TTLL7: variants seen among roughly 807,000 people sequenced by gnomAD.
The protein encoded by TTLL7 is tubulin polyglutamylase TTLL7.
In TTLL7, 53 loss-of-function variants were observed where a neutral mutation model predicts 120.2. The ratio of observed to expected loss-of-function variants is 0.44; its 90% CI spans 0.35 to 0.55. The LOEUF is 0.55. Among genes scored for constraint, TTLL7 ranks in the 20% least tolerant of loss-of-function variants. The probability of loss-of-function intolerance (pLI) is 0.00; values close to 1 mark genes in which losing one functional copy is unlikely to be tolerated. For missense variants in TTLL7, 803 were observed against 1,054.7 expected, an observed-to-expected ratio of 0.76 and a Z score of 3.31; for synonymous variants, 353 against 351.7, an observed-to-expected ratio of 1.00 and a Z score of -0.04.
chr1:83,992,375 C>A (rs1209247081), intron 1 of TTLL7, among the ~76,000 whole-genome samples: 2 of 151,622 alleles, frequency 1.3e-5, no homozygotes, highest in African/African-American at 4.9e-5. Flanking sequence ...TGGAAATAGG[C>A]ATCACAGATT....
chr1:83,963,970 G>A (rs1650233531), intron 1 of TTLL7, among the ~76,000 whole-genome samples: 1 of 152,072 alleles, frequency 6.6e-6, no homozygotes, highest in African/African-American at 2.4e-5. Flanking sequence ...AAAATGTTCT[G>A]TATACCTTCC....
chr1:83,936,094 T>G (rs1027932095), intron 8 of TTLL7, among the ~76,000 whole-genome samples: 1 of 152,148 alleles, frequency 6.6e-6, no homozygotes, highest in African/African-American at 2.4e-5. Flanking sequence ...TATGTTTGGG[T>G]CATATCTAAA....
chr1:83,936,745 T>C (rs905679001), intron 8 of TTLL7, among the ~76,000 whole-genome samples: 10 of 120,752 alleles, frequency 8.3e-5, no homozygotes, highest in African/African-American at 2.2e-4. Context: ...TTTGAGTCCA[T>C]TGCCAACATT....
intron 9 of TTLL7, among the ~76,000 whole-genome samples, chr1:83,932,516 G>C (rs1234083016): frequency 6.6e-6 from 1 of 151,952 alleles, no homozygotes; most frequent in East Asian, 1.9e-4. Flanking sequence ...CATTTCCTTG[G>C]AGACACAATA....
chr1:83,866,391 A>C lies in TTLL7; in HGVS notation c.*3571T>G, dbSNP rs1652916875. 6.6e-6 allele frequency: 1 copy of C among 151,886 alleles called. No individual in the cohort carries two copies. Among genetic ancestry groups the C allele is most frequent in the South Asian group, 2.1e-4 (1 of 4,826 alleles). The allele number at this position is 151,886 out of a possible 1,614,324, so 9.4% of individuals were successfully genotyped here. On this transcript the variant is annotated 3_prime_UTR_variant, in exon 21 of 21. Coordinates refer to ENST00000260505, the MANE Select transcript of TTLL7 (RefSeq NM_024686.6). ...ACATCTGAAATTTCAAGTTAGATAC[A>C]AAATTCCATACTCATATATTTTACA... is the stretch of plus-strand genomic sequence containing the variant.
intron 15 of TTLL7, among the ~76,000 whole-genome samples, chr1:83,909,026 G>T (rs918270578): frequency 6.6e-6 from 1 of 151,236 alleles, no homozygotes; most frequent in Non-Finnish European, 1.5e-5. Context: ...CTAGAGAAGG[G>T]CTATGTGAGG....
chr1:83,926,421 TG>T (rs1319118860), intron 10 of TTLL7, among the ~76,000 whole-genome samples: 2 of 151,788 alleles, frequency 1.3e-5, no homozygotes, highest in African/African-American at 4.8e-5. Flanking sequence ...AGCTCCAGAG[TG>T]GGTCAAAGCT....
chr1:83,980,644 G>A (rs1651870540), intron 1 of TTLL7: 2 of 152,196 alleles, frequency 1.3e-5, no homozygotes, highest in Non-Finnish European at 1.5e-5. Flanking sequence ...GCTTCAGGAA[G>A]CTCTCTTAAC....
intron 18 of TTLL7, among the ~76,000 whole-genome samples, chr1:83,900,458 C>T (rs1448336933): frequency 6.6e-6 from 1 of 151,948 alleles, no homozygotes. Flanking sequence ...ACTCCAGATG[C>T]TTTGTGAAGG....
chr1:83,895,939 G>C (rs1161562072), intron 18 of TTLL7, among the ~76,000 whole-genome samples: 1 of 152,040 alleles, frequency 6.6e-6, no homozygotes, highest in Non-Finnish European at 1.5e-5. Context: ...GTAAGGAATA[G>C]TTTGTTTAGA....
At chr1:83,882,768 T>C (rs1262748988) in intron 20 of TTLL7, 195 bp downstream of exon 20, 1 of 507,528 alleles carries the variant, frequency 2.0e-6, no homozygotes, top group Non-Finnish European at 3.4e-6. Context: ...AGGTTCGTGA[T>C]TGCTGTCCTT....
At chr1:83,991,509 G>A (rs1056126623) in intron 1 of TTLL7, among the ~76,000 whole-genome samples, 1 of 151,972 alleles carries the variant, frequency 6.6e-6, no homozygotes. Context: ...AGTTGGGCAC[G>A]GTGGTACACC....
At chr1:83,990,618 A>C (rs933973308) in intron 1 of TTLL7, among the ~76,000 whole-genome samples, 10 of 152,236 alleles carry the variant, frequency 6.6e-5, no homozygotes, top group African/African-American at 4.8e-5. Context: ...AATGTTACTA[A>C]TCATAAGAGA....
At chr1:83,911,669 T>C (rs1657686367) in intron 14 of TTLL7, among the ~76,000 whole-genome samples, 1 of 152,064 alleles carries the variant, frequency 6.6e-6, no homozygotes, top group Non-Finnish European at 1.5e-5. Context: ...ATATTTGAGA[T>C]AAAAATATAA....
At chr1:83,932,858 G>C (rs553836034) in intron 9 of TTLL7, among the ~76,000 whole-genome samples, 8 of 152,248 alleles carry the variant, frequency 5.3e-5, no homozygotes, top group African/African-American at 1.9e-4. Flanking sequence ...AGATCAAGGA[G>C]CTTAAAGGGA....
intron 6 of TTLL7, chr1:83,946,086 C>G (rs552743301): frequency 3.2e-4 from 49 of 152,180 alleles, no homozygotes; most frequent in African/African-American, 1.2e-3. Flanking sequence ...GAGTCTTGCA[C>G]TGTCGCCCAG....
chr1:83,942,298 T>C (rs1283641200), intron 7 of TTLL7, among the ~76,000 whole-genome samples, 165 bp downstream of exon 7: 1 of 152,240 alleles, frequency 6.6e-6, no homozygotes, highest in Non-Finnish European at 1.5e-5. Context: ...TCCACAAAGC[T>C]GCCTGTAAGT....
At chr1:83,917,239 C>T (rs953827655) in intron 14 of TTLL7, among the ~76,000 whole-genome samples, 1 of 152,072 alleles carries the variant, frequency 6.6e-6, no homozygotes, top group African/African-American at 2.4e-5. Flanking sequence ...TAATTAGGGT[C>T]TCTAGAGTTC....
chr1:83,952,120 A>C, intron 2 of TTLL7, 67 bp downstream of exon 2: 4 of 1,550,612 alleles, frequency 2.6e-6, no homozygotes, highest in Non-Finnish European at 3.5e-6. Flanking sequence ...TAATACTTTA[A>C]AAATATTAAC....
Sources: allele counts gnomAD v4.1 joint callset (sites outside exome capture counted in the v4.1 genomes callset), GRCh38; gene constraint gnomAD v4.1.1; transcripts MANE v1.5; gene names NCBI Gene and HGNC (gene_info 2026-07-23, HGNC 2026-07-21).